The following CSMD1 variants were observed in gnomAD, a reference collection of about 807,000 sequenced individuals.
CSMD1 encodes CUB and sushi domain-containing protein 1.
A neutral mutation model predicts 417.5 loss-of-function variants in CSMD1; 213 were observed. The observed-to-expected ratio is 0.51, with a 90% CI of 0.46 to 0.57. CSMD1 has a LOEUF of 0.57. Ranked by LOEUF, CSMD1 falls within the 20% of genes least tolerant of loss-of-function variation. The pLI is 0.00. For synonymous variants in CSMD1, 2,862 were observed against 1,736.8 expected, an observed-to-expected ratio of 1.65 and a Z score of -16.11; for missense variants, 6,923 against 4,529.7, an observed-to-expected ratio of 1.53 and a Z score of -15.17.
chr8:3,273,782 C>A (rs1802058730), intron 26 of CSMD1, among the ~76,000 whole-genome samples: 1 of 138,866 alleles, frequency 7.2e-6, no homozygotes, highest in Admixed American at 7.3e-5. Flanking sequence ...GGTGATATCC[C>A]CTTTATCATT....
chr8:3,657,484 T>C (rs919109984), intron 7 of CSMD1, among the ~76,000 whole-genome samples: 1 of 152,022 alleles, frequency 6.6e-6, no homozygotes. Flanking sequence ...AGAAAATGTG[T>C]CACATATACA....
intron 3 of CSMD1, among the ~76,000 whole-genome samples, chr8:4,318,276 A>C (rs1014273010): frequency 1.3e-5 from 2 of 152,130 alleles, no homozygotes; most frequent in Admixed American, 1.3e-4. Flanking sequence ...TTCCTTAATT[A>C]AAGTTTTTAC....
At chr8:3,361,843 A>T (rs79073626) in intron 20 of CSMD1, among the ~76,000 whole-genome samples, 3,067 of 152,228 alleles carry the variant, frequency 0.02, 61 homozygotes, top group East Asian at 0.081. Context: ...GAAGGACAGA[A>T]AGCCTGAAAC....
chr8:4,269,350 G>A (rs555444013), intron 3 of CSMD1, among the ~76,000 whole-genome samples: 65 of 152,308 alleles, frequency 4.3e-4, no homozygotes, highest in African/African-American at 1.5e-3. Context: ...ACAGGTGTGA[G>A]CCACTGTGCC....
At chr8:4,890,779 G>C (rs558103407) in intron 1 of CSMD1, among the ~76,000 whole-genome samples, 1 of 151,844 alleles carries the variant, frequency 6.6e-6, no homozygotes, top group Non-Finnish European at 1.5e-5. Context: ...AATCACTTTT[G>C]CACCGACCTA....
intron 5 of CSMD1, among the ~76,000 whole-genome samples, chr8:3,983,244 C>T (rs1185273588): frequency 1.3e-5 from 2 of 151,718 alleles, no homozygotes; most frequent in Non-Finnish European, 2.9e-5. Context: ...CATTCTCCTG[C>T]CTCAGCCTCC....
intron 26 of CSMD1, among the ~76,000 whole-genome samples, chr8:3,245,016 G>C (rs1799786367): frequency 6.6e-6 from 1 of 152,214 alleles, no homozygotes; most frequent in South Asian, 2.1e-4. Flanking sequence ...TCTGAATTTG[G>C]TGCTCAAAAG....
At chr8:3,340,763 C>T (rs957195793) in intron 23 of CSMD1, among the ~76,000 whole-genome samples, 2 of 152,126 alleles carry the variant, frequency 1.3e-5, no homozygotes, top group Admixed American at 6.6e-5. Context: ...GCCATCAGCA[C>T]CACCAATTTT....
At chr8:4,272,295 T>A (rs947846430) in intron 3 of CSMD1, among the ~76,000 whole-genome samples, 1 of 152,158 alleles carries the variant, frequency 6.6e-6, no homozygotes, top group African/African-American at 2.4e-5. Context: ...AGAAAAACAT[T>A]TTTTTCCTTG....
intron 8 of CSMD1, among the ~76,000 whole-genome samples, chr8:3,614,016 C>T (rs1802018825): frequency 6.6e-6 from 1 of 151,730 alleles, no homozygotes; most frequent in Non-Finnish European, 1.5e-5. Flanking sequence ...GGAGAAAGTT[C>T]TAGGAAATCT....
intron 7 of CSMD1, among the ~76,000 whole-genome samples, chr8:3,628,307 C>G (rs771992448): frequency 1.3e-5 from 2 of 152,160 alleles, no homozygotes; most frequent in Non-Finnish European, 2.9e-5. Flanking sequence ...GCAGCCCATG[C>G]ACACTTCTCT....
intron 1 of CSMD1, among the ~76,000 whole-genome samples, chr8:4,689,385 G>C (rs914005579): frequency 1.3e-5 from 2 of 151,990 alleles, no homozygotes. Context: ...AGTCATATTT[G>C]TCATCTAAAA....
chr8:3,023,285 G>C (rs1020521008), intron 51 of CSMD1, among the ~76,000 whole-genome samples: 1 of 152,208 alleles, frequency 6.6e-6, no homozygotes, highest in African/African-American at 2.4e-5. Context: ...CAAAATTCCA[G>C]TGTAGCTCAC....
chr8:4,818,005 A>G (rs1471652214), intron 1 of CSMD1, among the ~76,000 whole-genome samples: 2 of 152,198 alleles, frequency 1.3e-5, no homozygotes, highest in Non-Finnish European at 1.5e-5. Flanking sequence ...ATGCATCATT[A>G]TAATAAGGTT....
rs201365062 is a variant in CSMD1 at position 3,142,597 on chromosome 8, T to C, written c.6109A>G (p.Thr2037Ala). Residue 2037 changes from threonine (T) to alanine (A), a missense_variant, in exon 41 of 70, where the codon ACC becomes GCC. Thr to Ala is a moderately conservative substitution (Grantham distance 58). Transcript: ENST00000635120. ...CTAAATTGTCCAATCATGGGGCTGG[T>C]GTGGTAAGGTCCATTTTGAATTTCA... ...FLEIQNGPYH[T>A]SPMIGQFSGT... is the part of the protein sequence containing the mutation. 1.2e-6 allele frequency: 2 copies of C among 1,613,880 alleles called. No homozygotes were observed. Among genetic ancestry groups the C allele is most frequent in the Non-Finnish European group, 1.7e-6 (2 of 1,179,846 alleles).
At chr8:3,895,889 C>T (rs568253207) in intron 5 of CSMD1, among the ~76,000 whole-genome samples, 1 of 152,296 alleles carries the variant, frequency 6.6e-6, no homozygotes, top group East Asian at 1.9e-4. Flanking sequence ...ACCTCATCCC[C>T]TGAAACTCTG....
intron 3 of CSMD1, among the ~76,000 whole-genome samples, chr8:4,122,802 A>G (rs533452005): frequency 2.6e-5 from 4 of 152,188 alleles, no homozygotes; most frequent in Non-Finnish European, 5.9e-5. Context: ...TCAAAAAAAC[A>G]AATGATTTAA....
chr8:4,127,449 T>G (rs1402829142), intron 3 of CSMD1, among the ~76,000 whole-genome samples: 2 of 60,444 alleles, frequency 3.3e-5, no homozygotes, highest in African/African-American at 1.4e-4. Flanking sequence ...TTCCAAGCAT[T>G]AATGAAAAAA....
At chr8:3,713,408 C>T (rs1056051747) in intron 6 of CSMD1, among the ~76,000 whole-genome samples, 1 of 152,056 alleles carries the variant, frequency 6.6e-6, no homozygotes, top group Non-Finnish European at 1.5e-5. Flanking sequence ...TACTTGATGC[C>T]ACTTCTTTCT....
Sources: allele counts gnomAD v4.1 joint callset (sites outside exome capture counted in the v4.1 genomes callset), GRCh38; gene constraint gnomAD v4.1.1; transcripts MANE v1.5; gene names NCBI Gene and HGNC (gene_info 2026-07-23, HGNC 2026-07-21).